Variants in CCSER1 observed in about 807,000 individuals in gnomAD.
The protein encoded by CCSER1 is coiled-coil serine rich protein 1, also known as serine-rich coiled-coil domain-containing protein 1.
A neutral mutation model predicts 82.0 loss-of-function variants in CCSER1; 41 were observed. The observed-to-expected ratio is 0.50, with a 90% CI of 0.39 to 0.65. The LOEUF is 0.65. Ranked by LOEUF, CCSER1 falls within the 30% of genes least tolerant of loss-of-function variation. CCSER1 has a pLI of 0.00. For missense variants in CCSER1, 1,119 were observed against 1,064.2 expected, an observed-to-expected ratio of 1.05 and a Z score of -0.72; for synonymous variants, 414 against 383.9, an observed-to-expected ratio of 1.08 and a Z score of -0.92.
chr4:91,408,723 G>A (rs986140493), intron 10 of CCSER1, among the ~76,000 whole-genome samples: 8 of 152,116 alleles, frequency 5.3e-5, no homozygotes, highest in Non-Finnish European at 7.4e-5. Context: ...TTGTATTTAT[G>A]AACACCAGCT....
chr4:90,506,749 A>G (rs1164539243), intron 5 of CCSER1, among the ~76,000 whole-genome samples: 1 of 151,142 alleles, frequency 6.6e-6, no homozygotes, highest in Non-Finnish European at 1.5e-5. Context: ...TGGATGACAG[A>G]GTGAGACTCC....
intron 10 of CCSER1, among the ~76,000 whole-genome samples, chr4:91,260,764 T>A (rs1049622714): frequency 1.1e-4 from 16 of 139,876 alleles, no homozygotes; most frequent in Non-Finnish European, 2.3e-4. Flanking sequence ...ATTTATTTAT[T>A]TTTTTATTTT....
At chr4:90,501,162 A>G (rs1175446260) in intron 5 of CCSER1, among the ~76,000 whole-genome samples, 1 of 152,124 alleles carries the variant, frequency 6.6e-6, no homozygotes, top group East Asian at 1.9e-4. Context: ...TTCATTACAG[A>G]TTCATTTTTA....
At chr4:90,827,031 A>G (rs62311071) in intron 8 of CCSER1, among the ~76,000 whole-genome samples, 11,021 of 152,264 alleles carry the variant, frequency 0.072, 516 homozygotes, top group Admixed American at 0.13. Context: ...TTTGATGGCC[A>G]TGGAATTGAG....
chr4:91,300,938 C>T (rs1744617040), intron 10 of CCSER1, among the ~76,000 whole-genome samples: 1 of 151,730 alleles, frequency 6.6e-6, no homozygotes, highest in African/African-American at 2.4e-5. Context: ...AAGGGTGAGT[C>T]ATTAGGGAGG....
At chr4:90,252,556 T>C (rs932132749) in intron 1 of CCSER1, among the ~76,000 whole-genome samples, 1 of 151,838 alleles carries the variant, frequency 6.6e-6, no homozygotes, top group East Asian at 1.9e-4. Flanking sequence ...GACACAGGCA[T>C]GTAATTCATA....
intron 5 of CCSER1, among the ~76,000 whole-genome samples, chr4:90,597,808 C>T (rs1783522951): frequency 6.6e-6 from 1 of 152,000 alleles, no homozygotes; most frequent in Non-Finnish European, 1.5e-5. Context: ...CTCCCTGCCC[C>T]ACCTGCCATG....
intron 6 of CCSER1, among the ~76,000 whole-genome samples, chr4:90,716,603 G>A (rs1741682583): frequency 6.6e-6 from 1 of 152,026 alleles, no homozygotes; most frequent in Admixed American, 6.6e-5. Context: ...ACTTTTCTAT[G>A]TTTAGATATG....
intron 10 of CCSER1, among the ~76,000 whole-genome samples, chr4:91,533,650 G>T (rs1046861185): frequency 6.6e-6 from 1 of 151,960 alleles, no homozygotes; most frequent in African/African-American, 2.4e-5. Context: ...AGAATAAATT[G>T]CTGGGGACTT....
chr4:90,257,395 A>C (rs1306510871), intron 1 of CCSER1, among the ~76,000 whole-genome samples: 1 of 152,068 alleles, frequency 6.6e-6, no homozygotes, highest in Non-Finnish European at 1.5e-5. Context: ...AGGGAGCAAA[A>C]AATATTTTTT....
At chr4:91,260,142 G>A (rs747747628) in intron 10 of CCSER1, among the ~76,000 whole-genome samples, 3 of 152,020 alleles carry the variant, frequency 2.0e-5, no homozygotes, top group Non-Finnish European at 2.9e-5. Context: ...TTATAACCTT[G>A]GATTCTCTAT....
At chr4:90,600,494 T>C (rs991576261) in intron 5 of CCSER1, among the ~76,000 whole-genome samples, 1 of 152,148 alleles carries the variant, frequency 6.6e-6, no homozygotes, top group Admixed American at 6.6e-5. Flanking sequence ...TCTTTTCATA[T>C]CTTTTTCCTA....
intron 7 of CCSER1, among the ~76,000 whole-genome samples, chr4:90,785,564 A>T (rs1284489279): frequency 6.6e-6 from 1 of 152,222 alleles, no homozygotes; most frequent in Non-Finnish European, 1.5e-5. Flanking sequence ...CAATGTGACA[A>T]ATTCTGAAAA....
At chr4:90,142,700 C>G (rs753582434) in intron 1 of CCSER1, among the ~76,000 whole-genome samples, 6 of 151,808 alleles carry the variant, frequency 4.0e-5, no homozygotes, top group Non-Finnish European at 5.9e-5. Context: ...TTCTTGATCC[C>G]TGCAGCCTCT....
intron 9 of CCSER1, among the ~76,000 whole-genome samples, chr4:91,058,300 C>A (rs1216000244): frequency 2.0e-5 from 3 of 151,938 alleles, no homozygotes; most frequent in Non-Finnish European, 4.4e-5. Context: ...CCATGGAATA[C>A]TATGCAGCTT....
At chr4:90,922,974 T>C (rs1192321952) in intron 8 of CCSER1, among the ~76,000 whole-genome samples, 2 of 152,122 alleles carry the variant, frequency 1.3e-5, no homozygotes, top group Non-Finnish European at 1.5e-5. Context: ...ATAGAATCCA[T>C]TGGGTCTTTT....
At chr4:90,526,183 A>T (rs1307114963) in intron 5 of CCSER1, among the ~76,000 whole-genome samples, 4 of 152,152 alleles carry the variant, frequency 2.6e-5, no homozygotes, top group African/African-American at 9.7e-5. Context: ...GAACCTTCTC[A>T]GATTCTCTCT....
chr4:90,235,463 A>G (rs376803153), intron 1 of CCSER1: 1 of 152,162 alleles, frequency 6.6e-6, no homozygotes. Flanking sequence ...ATTTCATGCA[A>G]TGATCCACTA....
chr4:90,482,717 TTGCAC>T (rs1467110614), intron 5 of CCSER1, among the ~76,000 whole-genome samples: 1 of 152,234 alleles, frequency 6.6e-6, no homozygotes, highest in Non-Finnish European at 1.5e-5. Context: ...TCTAGTTTGA[TTGCAC>T]TGTGATCTGA....
Sources: allele counts gnomAD v4.1 joint callset (sites outside exome capture counted in the v4.1 genomes callset), GRCh38; gene constraint gnomAD v4.1.1; transcripts MANE v1.5; gene names NCBI Gene and HGNC (gene_info 2026-07-23, HGNC 2026-07-21).